Variants in XRCC5 observed in about 807,000 individuals in gnomAD.
XRCC5 encodes the protein X-ray repair cross complementing 5.
Under a neutral mutation model 95.7 loss-of-function variants are expected in XRCC5, and 12 were observed. The ratio of observed to expected loss-of-function variants is 0.13; its 90% CI spans 0.08 to 0.20. The LOEUF (loss-of-function observed/expected upper bound fraction) is 0.20. Among genes scored for constraint, XRCC5 ranks in the 10% least tolerant of loss-of-function variants. XRCC5 has a pLI of 1.00. For synonymous variants in XRCC5, 281 were observed against 290.3 expected (o/e 0.97, Z 0.33); for missense variants, 595 against 873.9 (o/e 0.68, Z 4.02).
At chr2:216,129,172 A>G (rs1218276007) in intron 8 of XRCC5, among the ~76,000 whole-genome samples, 1 of 152,218 alleles carries the variant, frequency 6.6e-6, no homozygotes, top group Non-Finnish European at 1.5e-5. Context: ...GTTGTCAGCA[A>G]GGAAGGCATC....
chr2:216,175,137 A>G (rs1329472613), intron 16 of XRCC5: 1 of 341,786 alleles, frequency 2.9e-6, no homozygotes, highest in African/African-American at 2.2e-5. Flanking sequence ...CATACCCGCC[A>G]TTGTGGTTTT....
intron 16 of XRCC5, among the ~76,000 whole-genome samples, chr2:216,171,239 A>G (rs1346193473): frequency 6.6e-6 from 1 of 152,244 alleles, no homozygotes; most frequent in Non-Finnish European, 1.5e-5. Context: ...TGCATGCCCA[A>G]GGCAAAAAAT....
intron 16 of XRCC5, chr2:216,175,666 C>T (rs1036851955): frequency 9.6e-6 from 4 of 416,672 alleles, no homozygotes; most frequent in Non-Finnish European, 1.8e-5. Context: ...GTTAGGTGGG[C>T]ACCAGGCTTT....
intron 1 of XRCC5, among the ~76,000 whole-genome samples, chr2:216,109,875 C>T (rs1408178214): frequency 1.3e-5 from 2 of 152,158 alleles, no homozygotes; most frequent in African/African-American, 2.4e-5. Context: ...AACTATCCCA[C>T]AGGGCTTGTT....
Position 216,205,296 on chromosome 2 carries a change from C to G in XRCC5, c.*94C>G, listed in dbSNP as rs2106057271. The stretch of plus-strand genomic sequence containing the variant: ...TTGGATGCGGCCATTCAAGGGGAGC[C>G]AAAATCTCAAGAAATTCCCAGCAGG... On this transcript the variant is annotated 3_prime_UTR_variant, in exon 21 of 21. Transcript: ENST00000392132. 8 of 1,510,602 alleles carry G rather than the reference C, an allele frequency of 5.3e-6. No individual in the cohort carries two copies. In the East Asian group the frequency reaches 1.1e-4, roughly 21 times the overall value. The allele number at this position is 1,510,602 out of a possible 1,614,324, so 93.6% of individuals were successfully genotyped here. A position where few individuals can be genotyped will look rare whatever the true frequency, so the allele number is the denominator to read the frequency against.
In XRCC5 at chr2:216,109,567, A is replaced by G. The variant is rs41296894; in HGVS notation, c.21+110A>G. 1,587 of 1,498,468 alleles carry G rather than the reference A, an allele frequency of 1.1e-3. 25 individuals are homozygous for G. The East Asian group carries it at 0.033, about 31-fold the overall frequency. 92.8% of individuals were successfully genotyped at this position (1,498,468 alleles called of 1,614,324 possible). ...GTCAAGACAAAGAATGGGGCAAGAG[A>G]AGATCATGGTGGTGGGCTCAGTCAG... is the stretch of plus-strand genomic sequence containing the variant. On this transcript the variant is annotated intron_variant, in intron 1 of 20. Coordinates refer to ENST00000392132, the MANE Select transcript of XRCC5 (RefSeq NM_021141.4).
At position 216,122,158 on chromosome 2, in the gene XRCC5, A is replaced by G; in HGVS notation, c.588A>G (p.Gly196=). 6.2e-7 allele frequency: 1 copy of G among 1,614,164 alleles called. No homozygotes were observed. Among genetic ancestry groups the G allele is most frequent in the Non-Finnish European group, 8.5e-7 (1 of 1,180,008 alleles). The change falls in exon 6 of 21, where the codon GGA becomes GGG. Residue 196 remains glycine (G), a synonymous_variant. Coordinates refer to ENST00000392132, the MANE Select transcript of XRCC5 (RefSeq NM_021141.4). ...ATGGGCCTTCCTTTCCACTAAAAGG[A>G]ATTACCGAACAGCAAAAAGAAGGTC... ...GGHGPSFPLK[G]ITEQQKEGLE...
chr2:216,122,203 G>A lies in XRCC5; in HGVS notation c.633G>A (p.Val211=). 6.2e-7 allele frequency: 1 copy of A among 1,613,730 alleles called. No individual in the cohort carries two copies. ...AAGGTCTTGAGATAGTGAAAATGGT[G>A]ATGATATCTTTAGAAGGTGAAGATG... The part of the protein sequence containing the change: ...QKEGLEIVKM[V]MISLEGEDGL... The change falls in exon 6 of 21, where the codon GTG becomes GTA. Residue 211 remains valine (V), a synonymous_variant. Coordinates refer to ENST00000392132, the MANE Select transcript of XRCC5 (RefSeq NM_021141.4).
chr2:216,195,268 C>T (rs1342221596), intron 19 of XRCC5, among the ~76,000 whole-genome samples: 1 of 152,090 alleles, frequency 6.6e-6, no homozygotes, highest in Non-Finnish European at 1.5e-5. Flanking sequence ...TAGCCTCGGC[C>T]CTGGTAAAGG....
At chr2:216,150,451 C>T (rs766198426) in intron 14 of XRCC5, among the ~76,000 whole-genome samples, 9 of 152,280 alleles carry the variant, frequency 5.9e-5, no homozygotes, top group South Asian at 2.1e-4. Context: ...TAGGCAATTT[C>T]GTTGTGCGAA....
At chr2:216,199,590 G>A (rs887812797) in intron 19 of XRCC5, among the ~76,000 whole-genome samples, 5 of 152,116 alleles carry the variant, frequency 3.3e-5, no homozygotes, top group Non-Finnish European at 7.4e-5. Flanking sequence ...TATGCCATTA[G>A]CATTTGATGT....
At chr2:216,186,059 G>T (rs527633864) in intron 16 of XRCC5, among the ~76,000 whole-genome samples, 1 of 152,338 alleles carries the variant, frequency 6.6e-6, no homozygotes, top group Admixed American at 6.5e-5. Context: ...CTAAATGATG[G>T]CTGAGTTCAG....
chr2:216,146,816 G>A lies in XRCC5; in HGVS notation c.1477-1267G>A, dbSNP rs549695412. On this transcript the variant is annotated intron_variant, in intron 13 of 20. Coordinates refer to ENST00000392132, the MANE Select transcript of XRCC5 (RefSeq NM_021141.4). ...CTTGATCTTGGCGCCCCTCCCCCTT[G>A]GTGTTGCTTCTTGACACCGCTGTCA... is the stretch of plus-strand genomic sequence containing the variant. 2.0e-5 allele frequency among the ~76,000 whole-genome samples: 3 copies of A among 152,194 alleles called. No individual in the cohort carries two copies. In the East Asian group the frequency reaches 5.8e-4, roughly 29 times the overall value.
In XRCC5 at chr2:216,205,394, C is replaced by A. The variant is rs1200242586; in HGVS notation, c.*192C>A. On this transcript the variant is annotated 3_prime_UTR_variant, in exon 21 of 21. Coordinates refer to ENST00000392132, the MANE Select transcript of XRCC5 (RefSeq NM_021141.4). The stretch of plus-strand genomic sequence containing the variant: ...TATATATTACAAGGGATAATTTAGA[C>A]CCCATACAAGTTTATAAAGAGTCAT... The A allele has an allele frequency of 5.5e-5, 34 of 618,860 alleles. No individual in the cohort carries two copies. The highest frequency in any genetic ancestry group is 4.6e-5 in the Non-Finnish European group (16 of 349,116). 38.3% of individuals were successfully genotyped at this position (618,860 alleles called of 1,614,324 possible).
intron 5 of XRCC5, 35 bp from the exon 6 acceptor site, chr2:216,122,027 T>G: frequency 6.4e-7 from 1 of 1,563,274 alleles, no homozygotes; most frequent in Non-Finnish European, 8.7e-7. Flanking sequence ...AGTTACAGGA[T>G]TAGAACACTA....
chr2:216,141,548 T>C lies in XRCC5; in HGVS notation c.1476+229T>C, dbSNP rs1254468380. On this transcript the variant is annotated intron_variant, in intron 13 of 20. Coordinates refer to ENST00000392132, the MANE Select transcript of XRCC5 (RefSeq NM_021141.4). ...AATGCTTTCTTTCTTTTCTTTTTTTTTTTTTTTTTTTTTTTTTTCCTGGAA... is the reference window on the plus strand; with the variant it reads ...AATGCTTTCTTTCTTTTCTTTTTTTCTTTTTTTTTTTTTTTTTTCCTGGAA... 9.1e-5 allele frequency among the ~76,000 whole-genome samples: 7 copies of C among 77,134 alleles called. No individual in the cohort carries two copies. The South Asian group carries it at 2.2e-3, about 24-fold the overall frequency. 50.6% of individuals were successfully genotyped at this position (77,134 alleles called of 152,430 possible).
intron 19 of XRCC5, among the ~76,000 whole-genome samples, chr2:216,201,402 G>C (rs1689831385): frequency 6.6e-6 from 1 of 152,190 alleles, no homozygotes; most frequent in South Asian, 2.1e-4. Context: ...GTAAGGGTCT[G>C]AGCACAAGAT....
intron 2 of XRCC5, among the ~76,000 whole-genome samples, chr2:216,116,114 C>T (rs953905894): frequency 6.6e-6 from 1 of 152,116 alleles, no homozygotes; most frequent in Non-Finnish European, 1.5e-5. Context: ...AAATATTCTG[C>T]AATGTATTTT....
At chr2:216,194,846 G>T (rs1396243102) in intron 18 of XRCC5, 73 bp from the exon 19 acceptor site, 2 of 1,355,992 alleles carry the variant, frequency 1.5e-6, no homozygotes, top group African/African-American at 2.9e-5. Context: ...GTGGGAGGAG[G>T]TGTGATGGAA....
Sources: gnomAD v4.1 joint callset for allele counts (sites outside exome capture counted in the v4.1 genomes callset) on GRCh38, gnomAD v4.1.1 for gene constraint, MANE v1.5 for transcripts, NCBI Gene and HGNC (gene_info 2026-07-23, HGNC 2026-07-21) for gene names.